Variants in PDE7B observed in about 807,000 individuals in gnomAD.
PDE7B encodes phosphodiesterase 7B.
In PDE7B, 29 loss-of-function variants were observed where a neutral mutation model predicts 56.2. That is an observed-to-expected ratio of 0.52 (90% CI 0.38 to 0.70). The LOEUF (loss-of-function observed/expected upper bound fraction) is 0.70, where lower values mean the gene tolerates loss of function less well. PDE7B is among the 30% of genes least tolerant of loss of function. PDE7B has a pLI of 0.00. For synonymous variants in PDE7B, 197 were observed against 196.9 expected, an observed-to-expected ratio of 1.00 and a Z score of 0.00; for missense variants, 490 against 565.0, an observed-to-expected ratio of 0.87 and a Z score of 1.35.
intron 11 of PDE7B, among the ~76,000 whole-genome samples, chr6:136,183,984 C>A (rs1464042576): frequency 2.0e-5 from 3 of 152,296 alleles, no homozygotes; most frequent in South Asian, 2.1e-4. Flanking sequence ...CCCGAAAAAA[C>A]CTTAAAAAAT....
At chr6:136,136,922 A>G (rs1583901262) in intron 3 of PDE7B, among the ~76,000 whole-genome samples, 1 of 152,070 alleles carries the variant, frequency 6.6e-6, no homozygotes, top group Non-Finnish European at 1.5e-5. Flanking sequence ...TAACAGTGAT[A>G]TTTCTGTAAA....
At chr6:135,978,352 G>T (rs568179327) in intron 2 of PDE7B, among the ~76,000 whole-genome samples, 1 of 151,818 alleles carries the variant, frequency 6.6e-6, no homozygotes, top group Non-Finnish European at 1.5e-5. Flanking sequence ...TGCAGGACTG[G>T]AAATTGCTGT....
At chr6:136,000,091 T>A in intron 2 of PDE7B, among the ~76,000 whole-genome samples, 1 of 152,300 alleles carries the variant, frequency 6.6e-6, no homozygotes, top group Non-Finnish European at 1.5e-5. Flanking sequence ...AATGAAGTTG[T>A]TTGTTGTTGT....
intron 2 of PDE7B, among the ~76,000 whole-genome samples, chr6:136,087,278 A>G (rs767492970): frequency 6.6e-5 from 10 of 152,226 alleles, no homozygotes; most frequent in Non-Finnish European, 1.0e-4. Context: ...GGACCAGTCC[A>G]TTTTCTAAAG....
intron 8 of PDE7B, among the ~76,000 whole-genome samples, chr6:136,167,524 T>C (rs1226053514): frequency 2.0e-5 from 3 of 152,298 alleles, no homozygotes; most frequent in Admixed American, 1.3e-4. Flanking sequence ...CCTCCTTGCC[T>C]TCCACCATGA....
At chr6:135,903,534 C>CA (rs1418856075) in intron 1 of PDE7B, among the ~76,000 whole-genome samples, 1 of 152,158 alleles carries the variant, frequency 6.6e-6, no homozygotes, top group Non-Finnish European at 1.5e-5. Context: ...TAATGTCAAC[C>CA]AAACCAAATT....
intron 1 of PDE7B, among the ~76,000 whole-genome samples, chr6:135,906,388 T>A (rs184112551): frequency 1.3e-5 from 2 of 152,210 alleles, no homozygotes; most frequent in African/African-American, 4.8e-5. Context: ...TTAGGGAAAC[T>A]GCAAGCTCTC....
At position 135,906,810 on chromosome 6, in the gene PDE7B, G is replaced by GTTTTTTTTTTTTTTTTTTTTTTTTT. The variant is rs869049424; in HGVS notation, c.22-40652_22-40628dup. ...TTTGACTCAAATGTTAATGAGGTTTGTTTTTTTTTTTTTTTTTTTTTTTTT... is the reference window on the plus strand; with the variant it reads ...TTTGACTCAAATGTTAATGAGGTTTGTTTTTTTTTTTTTTTTTTTTTTTTTTTTTTTTTTTTTTTTTTTTTTTTTT... On this transcript the variant is annotated intron_variant, in intron 1 of 12. Transcript: ENST00000308191. Among the ~76,000 whole-genome samples the GTTTTTTTTTTTTTTTTTTTTTTTTT allele has an allele frequency of 7.7e-4, 46 of 59,540 alleles. 3 individuals carry two copies. The highest frequency in any genetic ancestry group is 1.4e-3 in the African/African-American group (20 of 14,242). 39.1% of individuals were successfully genotyped at this position (59,540 alleles called of 152,430 possible). A position where few individuals can be genotyped will look rare whatever the true frequency, so the allele number is the denominator to read the frequency against.
intron 2 of PDE7B, among the ~76,000 whole-genome samples, chr6:136,013,114 C>T (rs948873140): frequency 3.3e-5 from 5 of 152,094 alleles, no homozygotes; most frequent in Admixed American, 6.6e-5. Context: ...TTGAGAATTA[C>T]AATAGTCAGA....
At chr6:135,977,277 A>C (rs2128203771) in intron 2 of PDE7B, among the ~76,000 whole-genome samples, 1 of 152,204 alleles carries the variant, frequency 6.6e-6, no homozygotes, top group African/African-American at 2.4e-5. Flanking sequence ...AGGGATCCAG[A>C]CCTGATCATG....
Position 136,192,723 on chromosome 6 carries a change from TGTTA to T in PDE7B, c.*887_*890del, listed in dbSNP as rs777362541. On this transcript the variant is annotated 3_prime_UTR_variant, in exon 13 of 13. Transcript: ENST00000308191. ...ATAAACAATGGCACTGTGAAAATAC[TGTTA>T]GTTTTAATACAAGAGAATGCATTTG... is the stretch of plus-strand genomic sequence containing the variant. 1 of 152,662 alleles carries T rather than the reference TGTTA, an allele frequency of 6.6e-6. No individual in the cohort carries two copies. The highest frequency in any genetic ancestry group is 1.5e-5 in the Non-Finnish European group (1 of 68,038). The allele number at this position is 152,662 out of a possible 1,614,324, so 9.5% of individuals were successfully genotyped here.
chr6:135,997,146 A>G (rs1051070529), intron 2 of PDE7B, among the ~76,000 whole-genome samples: 3 of 151,912 alleles, frequency 2.0e-5, no homozygotes, highest in Admixed American at 1.3e-4. Context: ...GGCTGGGCAC[A>G]ATGGCTCAAC....
At chr6:136,183,987 T>TA (rs1357903351) in intron 11 of PDE7B, among the ~76,000 whole-genome samples, 3 of 152,172 alleles carry the variant, frequency 2.0e-5, no homozygotes, top group South Asian at 2.1e-4. Flanking sequence ...GAAAAAACCT[T>TA]AAAAAATTAG....
At chr6:136,050,751 C>T (rs1776608538) in intron 2 of PDE7B, among the ~76,000 whole-genome samples, 1 of 152,206 alleles carries the variant, frequency 6.6e-6, no homozygotes, top group South Asian at 2.1e-4. Context: ...GAAGATTTAG[C>T]TACATTTAGG....
intron 2 of PDE7B, among the ~76,000 whole-genome samples, chr6:135,951,224 T>C (rs1170325973): frequency 1.3e-5 from 2 of 152,182 alleles, no homozygotes; most frequent in African/African-American, 4.8e-5. Context: ...ACCTTCCTTT[T>C]TATAAATTTA....
In PDE7B at chr6:135,880,816, C is replaced by T. The variant is rs72971658; in HGVS notation, c.21+28797C>T. ...TGCTGAAGAGAAGCAGTTGTGTTCA[C>T]GGGGTGAAGCAAGGAGGAAATGGGA... is the stretch of plus-strand genomic sequence containing the variant. On this transcript the variant is annotated intron_variant, in intron 1 of 12. Coordinates refer to ENST00000308191, the MANE Select transcript of PDE7B (RefSeq NM_018945.4). Among the ~76,000 whole-genome samples, 5 of 152,086 alleles carry T rather than the reference C, an allele frequency of 3.3e-5. No individual in the cohort carries two copies. The South Asian group carries it at 6.2e-4, about 19-fold the overall frequency.
At chr6:136,135,163 T>C (rs1206494881) in intron 3 of PDE7B, among the ~76,000 whole-genome samples, 1 of 152,144 alleles carries the variant, frequency 6.6e-6, no homozygotes, top group African/African-American at 2.4e-5. Context: ...TAATACATTC[T>C]ATTCAAGACC....
At chr6:136,127,811 T>C (rs1038867308) in intron 3 of PDE7B, among the ~76,000 whole-genome samples, 7 of 152,226 alleles carry the variant, frequency 4.6e-5, no homozygotes, top group African/African-American at 1.4e-4. Flanking sequence ...GACCAAGTCA[T>C]GCTGAGAAAT....
intron 12 of PDE7B, among the ~76,000 whole-genome samples, chr6:136,191,147 TAAC>T (rs1779218385): frequency 6.6e-6 from 1 of 151,664 alleles, no homozygotes; most frequent in Non-Finnish European, 1.5e-5. Flanking sequence ...TTAATTGTCA[TAAC>T]AACCCTACGA....
Sources: allele counts gnomAD v4.1 joint callset (sites outside exome capture counted in the v4.1 genomes callset), GRCh38; gene constraint gnomAD v4.1.1; transcripts MANE v1.5; gene names NCBI Gene and HGNC (gene_info 2026-07-23, HGNC 2026-07-21).